The following MICAL3 variants were observed in gnomAD, a reference collection of about 807,000 sequenced individuals.
MICAL3 encodes [F-actin]-monooxygenase MICAL3.
Under a neutral mutation model 207.4 loss-of-function variants are expected in MICAL3, and 62 were observed. That is an observed-to-expected ratio of 0.30 (90% CI 0.24 to 0.37). MICAL3 has a LOEUF of 0.37. MICAL3 is among the 10% of genes least tolerant of loss of function. MICAL3 has a pLI of 1.00. For synonymous variants in MICAL3, 1,077 were observed against 1,069.3 expected (o/e 1.01, Z -0.14); for missense variants, 2,368 against 2,635.6 (o/e 0.90, Z 2.22).
chr22:17,937,531 C>T (rs576222903), intron 1 of MICAL3, among the ~76,000 whole-genome samples: 3 of 152,280 alleles, frequency 2.0e-5, no homozygotes, highest in South Asian at 2.1e-4. Flanking sequence ...GGCGTGGTGG[C>T]GCATCCCCGT....
rs369087150 is a variant in MICAL3 at position 17,865,966 on chromosome 22, G to A, written c.2475C>T (p.Tyr825=). Residue 825 remains tyrosine, a synonymous_variant, in exon 18 of 32, where the codon TAC becomes TAT. Transcript: ENST00000441493. ...KPHYCYRLSG[Y]AQRKRPAVAP... is the part of the protein sequence containing the mutation. ...CCACTGCCGGTCTCTTCCTTTGTGC[G>A]TAGCCAGAGAGTCGATAGCAGTAGT... The A allele has an allele frequency of 1.7e-5, 27 of 1,613,848 alleles. No individual in the cohort carries two copies. Among genetic ancestry groups the A allele is most frequent in the African/African-American group, 1.2e-4 (9 of 74,932 alleles).
At chr22:17,892,643 G>A (rs1011821637) in intron 11 of MICAL3, among the ~76,000 whole-genome samples, 2 of 152,134 alleles carry the variant, frequency 1.3e-5, no homozygotes, top group African/African-American at 4.8e-5. Context: ...ATATGTAACA[G>A]GCAACTTCAA....
chr22:17,828,588 G>A (rs1922459271), intron 21 of MICAL3, among the ~76,000 whole-genome samples: 1 of 152,232 alleles, frequency 6.6e-6, no homozygotes, highest in Non-Finnish European at 1.5e-5. Context: ...GCTCTCTGAG[G>A]TCAAAGCCCT....
chr22:17,842,279 A>C (rs1364981629), intron 19 of MICAL3: 2 of 526,198 alleles, frequency 3.8e-6, no homozygotes, highest in Non-Finnish European at 6.9e-6. Context: ...CCCGGCCCCC[A>C]GAGGGGAGAC....
rs35404796 is a variant in MICAL3, at chr22:18,014,116, G to GACACACACAC, written c.-75+10155_-75+10164dup. Among the ~76,000 whole-genome samples the GACACACACAC allele has an allele frequency of 1.5e-3, 227 of 148,036 alleles. 2 individuals carry two copies. In the East Asian group the frequency reaches 0.018, roughly 12 times the overall value. ...CCGACCTCTCTCTCTCCCTCTCTTA[G>GACACACACAC]ACACACACACACACACACACACACA... On this transcript the variant is annotated intron_variant, in intron 1 of 31. Transcript: ENST00000441493.
Position 17,858,389 on chromosome 22 carries a change from G to C in MICAL3, c.2605+6510C>G, listed in dbSNP as rs986085669. 8 of 809,144 alleles carry C rather than the reference G, an allele frequency of 9.9e-6. No homozygotes were observed. The African/African-American group carries it at 1.5e-4, about 15-fold the overall frequency. The allele number at this position is 809,144 out of a possible 1,614,324, so 50.1% of individuals were successfully genotyped here. A position where few individuals can be genotyped will look rare whatever the true frequency, so the allele number is the denominator to read the frequency against. On this transcript the variant is annotated intron_variant, in intron 19 of 31. Transcript: ENST00000441493. ...GCACTTGTGAGGCGCTTGGCTGGGT[G>C]AGCTGCAAGGTAAGGGCTGGTTTTT...
chr22:18,017,869 G>A (rs1924168049), intron 1 of MICAL3, among the ~76,000 whole-genome samples: 1 of 151,940 alleles, frequency 6.6e-6, no homozygotes, highest in Admixed American at 6.6e-5. Context: ...TCCTGCCTCG[G>A]CCTCCCGAGT....
At chr22:17,980,148 A>G (rs942104029) in intron 1 of MICAL3, among the ~76,000 whole-genome samples, 2 of 152,156 alleles carry the variant, frequency 1.3e-5, no homozygotes, top group African/African-American at 4.8e-5. Context: ...TCTTTCTGAA[A>G]GTGGGTAATA....
intron 1 of MICAL3, among the ~76,000 whole-genome samples, chr22:17,934,097 G>C (rs1047336837): frequency 1.3e-5 from 2 of 152,148 alleles, no homozygotes; most frequent in Non-Finnish European, 2.9e-5. Flanking sequence ...AACAGAAAAA[G>C]AGGGAATCCT....
At chr22:17,815,303 G>T in intron 27 of MICAL3, 1 of 152,402 alleles carries the variant, frequency 6.6e-6, no homozygotes. Context: ...CTTCATGGAT[G>T]GAGAAGCAGT....
At position 17,953,930 on chromosome 22, in the gene MICAL3, C is replaced by CAAAAAAAAAAAAAA. The variant is rs59740388; in HGVS notation, c.-74-47058_-74-47045dup. On this transcript the variant is annotated intron_variant, in intron 1 of 31. Coordinates refer to ENST00000441493, the MANE Select transcript of MICAL3 (RefSeq NM_015241.3). ...CAGGTGACAGAGTAAGACTCCATCTCAAAAAAAAAAAAAAAAAAAAAAAAA... is the reference window on the plus strand; with the variant it reads ...CAGGTGACAGAGTAAGACTCCATCTCAAAAAAAAAAAAAAAAAAAAAAAAAAAAAAAAAAAAAAA... Among the ~76,000 whole-genome samples, 57 of 86,522 alleles carry CAAAAAAAAAAAAAA rather than the reference C, an allele frequency of 6.6e-4. 1 individual carries two copies. Among genetic ancestry groups the CAAAAAAAAAAAAAA allele is most frequent in the South Asian group, 9.6e-4 (2 of 2,076 alleles). The allele number at this position is 86,522 out of a possible 152,430, so 56.8% of individuals were successfully genotyped here. A position where few individuals can be genotyped will look rare whatever the true frequency, so the allele number is the denominator to read the frequency against.
chr22:17,938,503 C>T (rs1459970209), intron 1 of MICAL3, among the ~76,000 whole-genome samples: 2 of 152,138 alleles, frequency 1.3e-5, no homozygotes, highest in East Asian at 1.9e-4. Context: ...CTCCTCCTTA[C>T]GAACGGAGGA....
chr22:17,819,526 C>T (rs1921313847), intron 25 of MICAL3, among the ~76,000 whole-genome samples: 1 of 152,176 alleles, frequency 6.6e-6, no homozygotes, highest in Non-Finnish European at 1.5e-5. Flanking sequence ...AGACTTACCA[C>T]AGCTATTTAT....
chr22:17,948,697 T>C (rs1602271462), intron 1 of MICAL3, among the ~76,000 whole-genome samples: 1 of 151,118 alleles, frequency 6.6e-6, no homozygotes, highest in South Asian at 2.1e-4. Flanking sequence ...AGCCCAGGAG[T>C]TCCAGATACC....
chr22:17,898,076 G>A (rs113886608), intron 7 of MICAL3, among the ~76,000 whole-genome samples: 2,437 of 150,446 alleles, frequency 0.016, 49 homozygotes, highest in African/African-American at 0.051. Context: ...CTATTTAACA[G>A]CATACACCAA....
intron 1 of MICAL3, among the ~76,000 whole-genome samples, chr22:17,980,504 CCTGGAAAACCATCAGCAGAGTCTTGAACA>C (rs1243470347): frequency 6.6e-6 from 1 of 152,188 alleles, no homozygotes; most frequent in Non-Finnish European, 1.5e-5. Flanking sequence ...ACTTTCAGCT[CCTGGAAAACCATCAGCAGAGTCTTGAACA>C]CAGGAATTGG....
At chr22:17,931,534 C>G (rs1379027914) in intron 1 of MICAL3, among the ~76,000 whole-genome samples, 1 of 152,182 alleles carries the variant, frequency 6.6e-6, no homozygotes, top group Non-Finnish European at 1.5e-5. Flanking sequence ...ACACATGCTC[C>G]CTCCCTGGCA....
chr22:17,877,687 A>C (rs1391911957), intron 16 of MICAL3, among the ~76,000 whole-genome samples: 2 of 152,188 alleles, frequency 1.3e-5, no homozygotes, highest in East Asian at 3.9e-4. Flanking sequence ...TGAGGAGTGC[A>C]GAAACCAGTT....
chr22:17,994,532 G>C (rs1047458675), intron 1 of MICAL3, among the ~76,000 whole-genome samples: 2 of 152,202 alleles, frequency 1.3e-5, no homozygotes, highest in Non-Finnish European at 1.5e-5. Flanking sequence ...GGGCAACACA[G>C]AGAGAGCTTG....
Sources: gnomAD v4.1 joint callset for allele counts (sites outside exome capture counted in the v4.1 genomes callset) on GRCh38, gnomAD v4.1.1 for gene constraint, MANE v1.5 for transcripts, NCBI Gene and HGNC (gene_info 2026-07-23, HGNC 2026-07-21) for gene names.